FREM3: variants seen among roughly 807,000 people sequenced by gnomAD.
FREM3 encodes the protein FRAS1 related extracellular matrix 3.
A neutral mutation model predicts 129.1 loss-of-function variants in FREM3; 105 were observed. That is an observed-to-expected ratio of 0.81 (90% CI 0.69 to 0.96). The LOEUF (loss-of-function observed/expected upper bound fraction) is 0.96. Ranked by LOEUF, FREM3 falls within the 40% of genes least tolerant of loss-of-function variation. FREM3 has a pLI of 0.00. For synonymous variants in FREM3, 1,014 were observed against 1,044.9 expected, an observed-to-expected ratio of 0.97 and a Z score of 0.57; for missense variants, 2,593 against 2,666.3, an observed-to-expected ratio of 0.97 and a Z score of 0.61.
At chr4:143,669,517 G>A (rs62339315) in intron 2 of FREM3, among the ~76,000 whole-genome samples, 1 of 151,878 alleles carries the variant, frequency 6.6e-6, no homozygotes, top group East Asian at 1.9e-4. Flanking sequence ...CGAACTCTTG[G>A]CGTCAAGTGA....
rs1193193472 is a variant in FREM3, at chr4:143,662,904, A to G, written c.5275+30209T>C. On this transcript the variant is annotated intron_variant, in intron 2 of 7. Transcript: ENST00000329798. ...TGTTTTATCAGAAACTAGGATTGCA[A>G]CCCCTGCCTTTTTTTGTTTTCCATT... Among the ~76,000 whole-genome samples the G allele has an allele frequency of 2.6e-5, 4 of 151,614 alleles. No individual in the cohort carries two copies. In the East Asian group the frequency reaches 7.7e-4, roughly 29 times the overall value.
At chr4:143,687,103 A>G (rs889120737) in intron 2 of FREM3, among the ~76,000 whole-genome samples, 4 of 152,170 alleles carry the variant, frequency 2.6e-5, no homozygotes, top group African/African-American at 9.6e-5. Flanking sequence ...ACCATTGGCA[A>G]GACTAATCAA....
At chr4:143,648,611 C>T (rs1399219871) in intron 2 of FREM3, among the ~76,000 whole-genome samples, 1 of 152,194 alleles carries the variant, frequency 6.6e-6, no homozygotes, top group Admixed American at 6.5e-5. Flanking sequence ...GCTTGACGCT[C>T]ACTTCTCCTT....
At position 143,585,032 on chromosome 4, in the gene FREM3, G is replaced by A. The variant is rs1253655310; in HGVS notation, c.6178+812C>T. 6.6e-6 allele frequency among the ~76,000 whole-genome samples: 1 copy of A among 152,118 alleles called. No individual in the cohort carries two copies. Among genetic ancestry groups the A allele is most frequent in the Non-Finnish European group, 1.5e-5 (1 of 68,014 alleles). ...CAGCCTGCTCCTGAATGACTTCTGG[G>A]TAAACAATGTAATTAAGGCAGAAAC... is the stretch of plus-strand genomic sequence containing the variant. On this transcript the variant is annotated intron_variant, in intron 7 of 7. Transcript: ENST00000329798. This position sits in a 1 kb window ranked among gnomAD's most constrained non-coding sequence, Gnocchi z 4.2.
chr4:143,663,412 C>T (rs1355867441), intron 2 of FREM3, among the ~76,000 whole-genome samples: 2 of 152,080 alleles, frequency 1.3e-5, no homozygotes, highest in African/African-American at 2.4e-5. Context: ...AATATTGGCC[C>T]CCACTCTCTT....
intron 2 of FREM3, among the ~76,000 whole-genome samples, chr4:143,634,238 C>T (rs969257553): frequency 2.6e-5 from 4 of 152,096 alleles, no homozygotes; most frequent in Admixed American, 6.5e-5. Flanking sequence ...AGGCAAGACA[C>T]GTAAATTCAG....
chr4:143,623,962 G>T, intron 4 of FREM3, 146 bp downstream of exon 4: 1 of 596,330 alleles, frequency 1.7e-6, no homozygotes, highest in Non-Finnish European at 3.0e-6. Context: ...AAAAATTATT[G>T]TCTATAAAGT....
intron 2 of FREM3, among the ~76,000 whole-genome samples, chr4:143,640,635 A>G: frequency 6.6e-6 from 1 of 152,174 alleles, no homozygotes; most frequent in East Asian, 1.9e-4. Flanking sequence ...GTGCCATTGC[A>G]CTCCAGCCTG....
chr4:143,653,107 AGTGGTT>A (rs1329707521), intron 2 of FREM3, among the ~76,000 whole-genome samples: 3 of 152,184 alleles, frequency 2.0e-5, no homozygotes, highest in Non-Finnish European at 4.4e-5. Context: ...ATTATTAGAG[AGTGGTT>A]CCTATTTTGT....
chr4:143,687,464 A>G (rs1012794938), intron 2 of FREM3, among the ~76,000 whole-genome samples: 3 of 152,204 alleles, frequency 2.0e-5, no homozygotes, highest in Non-Finnish European at 4.4e-5. Context: ...TTATTTTGAC[A>G]CTATTCCACA....
chr4:143,616,407 C>G (rs1368617713), intron 5 of FREM3, among the ~76,000 whole-genome samples: 1 of 152,106 alleles, frequency 6.6e-6, no homozygotes, highest in Non-Finnish European at 1.5e-5. Flanking sequence ...ACATCTACAA[C>G]TAAATAAATC....
intron 6 of FREM3, among the ~76,000 whole-genome samples, chr4:143,595,448 C>T (rs1310478738): frequency 6.6e-6 from 1 of 151,978 alleles, no homozygotes; most frequent in Non-Finnish European, 1.5e-5. Flanking sequence ...ATTGAGCATC[C>T]CCTATGTGCT....
Position 143,700,412 on chromosome 4 carries a change from T to G in FREM3, c.264A>C (p.Gly88=), listed in dbSNP as rs1249306445. The stretch of plus-strand genomic sequence containing the variant: ...CTTCGCACCGGTCCCCCGGCTGCAC[T>G]CCAATCACCAGATCCCGGAGCGGGT... ...WLDPLRDLVI[G]VQPGDRCEVT... Residue 88 remains glycine (G), a synonymous_variant, in exon 1 of 8, where the codon GGA becomes GGC. Transcript: ENST00000329798. The G allele has an allele frequency of 2.0e-6, 3 of 1,533,352 alleles. No individual in the cohort carries two copies. In the Admixed American group the frequency reaches 5.9e-5, roughly 30 times the overall value. 95.0% of individuals were successfully genotyped at this position (1,533,352 alleles called of 1,614,324 possible). A position where few individuals can be genotyped will look rare whatever the true frequency, so the allele number is the denominator to read the frequency against.
At chr4:143,587,601 G>A (rs1738264776) in intron 6 of FREM3, among the ~76,000 whole-genome samples, 1 of 152,200 alleles carries the variant, frequency 6.6e-6, no homozygotes, top group African/African-American at 2.4e-5. Context: ...GCTAATGGGT[G>A]TTTCTGATGC....
chr4:143,641,743 A>C (rs1739323924), intron 2 of FREM3, among the ~76,000 whole-genome samples: 1 of 152,224 alleles, frequency 6.6e-6, no homozygotes, highest in Non-Finnish European at 1.5e-5. Flanking sequence ...AATAATTGTT[A>C]GTTAAATAAA....
At chr4:143,624,430 A>G in intron 3 of FREM3, 92 bp from the exon 4 acceptor site, 1 of 729,126 alleles carries the variant, frequency 1.4e-6, no homozygotes, top group Non-Finnish European at 2.2e-6. Flanking sequence ...ACAAAAGTAG[A>G]TAACATAGAA....
intron 2 of FREM3, among the ~76,000 whole-genome samples, chr4:143,635,656 T>A (rs1443875902): frequency 6.6e-6 from 1 of 152,226 alleles, no homozygotes; most frequent in African/African-American, 2.4e-5. Flanking sequence ...CTGAATCTGA[T>A]ACAAATCTTC....
At chr4:143,665,251 C>T (rs1257292019) in intron 2 of FREM3, among the ~76,000 whole-genome samples, 1 of 152,064 alleles carries the variant, frequency 6.6e-6, no homozygotes, top group East Asian at 1.9e-4. Flanking sequence ...GATTATTGGT[C>T]ATTTTCTTGG....
intron 5 of FREM3, among the ~76,000 whole-genome samples, chr4:143,616,120 A>G (rs1294249728): frequency 1.3e-5 from 2 of 152,230 alleles, no homozygotes; most frequent in African/African-American, 2.4e-5. Flanking sequence ...TACAAAGACA[A>G]CTTTTAGATG....
Sources: gnomAD v4.1 joint callset for allele counts (sites outside exome capture counted in the v4.1 genomes callset) on GRCh38, gnomAD v4.1.1 for gene constraint, Gnocchi (gnomAD v3.1) non-coding constraint, MANE v1.5 for transcripts, NCBI Gene and HGNC (gene_info 2026-07-23, HGNC 2026-07-21) for gene names.